The following HIP1 variants were observed in gnomAD, a reference collection of about 807,000 sequenced individuals.
The protein encoded by HIP1 is huntingtin-interacting protein 1.
In HIP1, 65 loss-of-function variants were observed where a neutral mutation model predicts 147.6. The ratio of observed to expected loss-of-function variants is 0.44; its 90% confidence interval spans 0.36 to 0.54. The LOEUF is 0.54. HIP1 is among the 20% of genes least tolerant of loss of function. HIP1 has a pLI of 0.00. For missense variants in HIP1, 1,061 were observed against 1,299.6 expected (o/e 0.82, Z 2.82); for synonymous variants, 479 against 504.0 (o/e 0.95, Z 0.67).
At position 75,596,704 on chromosome 7, in the gene HIP1, A is replaced by G. The variant is rs186206478; in HGVS notation, c.184+2480T>C. ...CCTGGCCTGAAATCTTCTTTGTCCAACCTTTGATTGAACAGAAAGTGACCT... is the reference window on the plus strand; with the variant it reads ...CCTGGCCTGAAATCTTCTTTGTCCAGCCTTTGATTGAACAGAAAGTGACCT... On this transcript the variant is annotated intron_variant, in intron 2 of 30. Transcript: ENST00000336926. Among the ~76,000 whole-genome samples, 171 of 152,176 alleles carry G rather than the reference A, an allele frequency of 1.1e-3. 1 individual carries two copies. Among genetic ancestry groups the G allele is most frequent in the African/African-American group, 3.9e-3 (161 of 41,538 alleles).
In HIP1 at chr7:75,699,831, G is replaced by A. The variant is rs199726291; in HGVS notation, c.120+38970C>T. On this transcript the variant is annotated intron_variant, in intron 1 of 30. Transcript: ENST00000336926. ...TTTGGAATGACCAACCACAAGCTGT[G>A]CAGCCACGGGAGCAGCACTGATTTT... 2.6e-5 allele frequency among the ~76,000 whole-genome samples: 4 copies of A among 151,668 alleles called. No homozygotes were observed. The East Asian group carries it at 7.8e-4, about 30-fold the overall frequency.
intron 1 of HIP1, among the ~76,000 whole-genome samples, chr7:75,648,035 C>T (rs1798859943): frequency 6.6e-6 from 1 of 152,232 alleles, no homozygotes; most frequent in African/African-American, 2.4e-5. Flanking sequence ...AAAGACAGCA[C>T]AGGCTGCTAT....
chr7:75,724,016 G>A lies in HIP1; in HGVS notation c.120+14785C>T, dbSNP rs577882490. Among the ~76,000 whole-genome samples the A allele has an allele frequency of 2.6e-5, 4 of 152,144 alleles. No individual in the cohort carries two copies. In the East Asian group the frequency reaches 7.7e-4, roughly 29 times the overall value. ...CTGTCACCCATGCTGGAGTACAGTG[G>A]TGCAATCTCAGCTCACTGCAACCTC... is the stretch of plus-strand genomic sequence containing the variant. On this transcript the variant is annotated intron_variant, in intron 1 of 30. Coordinates refer to ENST00000336926, the MANE Select transcript of HIP1 (RefSeq NM_005338.7).
chr7:75,593,178 A>G (rs782422044), intron 2 of HIP1, among the ~76,000 whole-genome samples: 10 of 152,280 alleles, frequency 6.6e-5, no homozygotes, highest in Admixed American at 4.6e-4. Context: ...TATGTTGCCC[A>G]GGCTGGTCTC....
rs559727174 is a variant in HIP1 at position 75,664,083 on chromosome 7, T to C, written c.121-64836A>G. Among the ~76,000 whole-genome samples the C allele has an allele frequency of 7.3e-4, 82 of 111,908 alleles. 11 individuals are homozygous for C. Among genetic ancestry groups the C allele is most frequent in the Admixed American group, 1.6e-3 (16 of 9,888 alleles). 73.4% of individuals were successfully genotyped at this position (111,908 alleles called of 152,430 possible). A position where few individuals can be genotyped will look rare whatever the true frequency, so the allele number is the denominator to read the frequency against. Reference sequence around the variant, plus strand: ...ACATATATGTGTATATACACACACATATACACACATATGTGCATACATACA... The same window carrying C: ...ACATATATGTGTATATACACACACACATACACACATATGTGCATACATACA... On this transcript the variant is annotated intron_variant, in intron 1 of 30. Coordinates refer to ENST00000336926, the MANE Select transcript of HIP1 (RefSeq NM_005338.7).
At chr7:75,634,382 C>T (rs4731227) in intron 1 of HIP1, among the ~76,000 whole-genome samples, 47,581 of 152,086 alleles carry the variant, frequency 0.31, 7,663 homozygotes, top group African/African-American at 0.36. Flanking sequence ...AGGCCACGAC[C>T]CCCAGCTCAT....
intron 1 of HIP1, among the ~76,000 whole-genome samples, chr7:75,646,480 T>G (rs939615883): frequency 6.6e-6 from 1 of 152,272 alleles, no homozygotes; most frequent in Non-Finnish European, 1.5e-5. Context: ...CCAGGGGGCA[T>G]GGCCAGATAT....
At chr7:75,688,534 A>G (rs887553995) in intron 1 of HIP1, among the ~76,000 whole-genome samples, 26 of 151,930 alleles carry the variant, frequency 1.7e-4, no homozygotes, top group African/African-American at 5.8e-4. Flanking sequence ...CTAAGGGGAG[A>G]TCTGCTTGGG....
intron 1 of HIP1, among the ~76,000 whole-genome samples, chr7:75,731,351 C>T (rs900070744): frequency 2.0e-5 from 3 of 151,640 alleles, no homozygotes; most frequent in Non-Finnish European, 4.4e-5. Flanking sequence ...GGCATGGTGG[C>T]GCACGCCTAT....
intron 22 of HIP1, among the ~76,000 whole-genome samples, chr7:75,552,021 C>T (rs1264713583): frequency 6.6e-6 from 1 of 152,116 alleles, no homozygotes; most frequent in Non-Finnish European, 1.5e-5. Flanking sequence ...TCCTAAGTAG[C>T]TGGGATTACA....
At chr7:75,593,587 G>A (rs990053747) in intron 2 of HIP1, among the ~76,000 whole-genome samples, 4 of 136,642 alleles carry the variant, frequency 2.9e-5, no homozygotes, top group African/African-American at 1.1e-4. Context: ...CCAGGATCAC[G>A]CCACTGCACT....
Position 75,534,856 on chromosome 7 carries a change from T to C in HIP1, c.*3316A>G, listed in dbSNP as rs1794025644. 1 of 205,884 alleles carries C rather than the reference T, an allele frequency of 4.9e-6. No homozygotes were observed. Among genetic ancestry groups the C allele is most frequent in the South Asian group, 1.9e-4 (1 of 5,294 alleles). 12.8% of individuals were successfully genotyped at this position (205,884 alleles called of 1,614,324 possible). ...CGATCCTAAGCCATGATTTTGTTGC[T>C]GTCCCATCTTGTCATGACCCATTTA... On this transcript the variant is annotated 3_prime_UTR_variant, in exon 31 of 31. Coordinates refer to ENST00000336926, the MANE Select transcript of HIP1 (RefSeq NM_005338.7).
chr7:75,730,226 G>A lies in HIP1; in HGVS notation c.120+8575C>T, dbSNP rs528654553. 1.8e-4 allele frequency among the ~76,000 whole-genome samples: 28 copies of A among 152,128 alleles called. No homozygotes were observed. The South Asian group carries it at 5.6e-3, about 30-fold the overall frequency. ...AAGTGGGGTGAGGACAACGCCTTGG[G>A]GACCCCAAGCATAAGGAGGAAGAGA... On this transcript the variant is annotated intron_variant, in intron 1 of 30. Transcript: ENST00000336926.
intron 1 of HIP1, among the ~76,000 whole-genome samples, chr7:75,636,413 G>A (rs587676650): frequency 3.3e-5 from 5 of 152,170 alleles, no homozygotes; most frequent in South Asian, 2.1e-4. Flanking sequence ...CTCACTCTGC[G>A]TAAGCAGGAG....
At chr7:75,560,728 A>G (rs932485942) in intron 13 of HIP1, among the ~76,000 whole-genome samples, 1 of 151,992 alleles carries the variant, frequency 6.6e-6, no homozygotes, top group Non-Finnish European at 1.5e-5. Context: ...ACACGGGAAG[A>G]CCTGGTTCTT....
At chr7:75,738,623 C>A (rs965733097) in intron 1 of HIP1, among the ~76,000 whole-genome samples, 178 bp downstream of exon 1, 1 of 152,158 alleles carries the variant, frequency 6.6e-6, no homozygotes, top group Admixed American at 6.5e-5. Context: ...AGCTGGGGTA[C>A]CCTGGGGTCC....
chr7:75,582,247 T>C (rs1422982516), intron 5 of HIP1, 96 bp from the exon 6 acceptor site: 3 of 924,298 alleles, frequency 3.2e-6, no homozygotes, highest in African/African-American at 1.6e-5. Flanking sequence ...CCCAGCTACT[T>C]GGGAGGCCGA....
At chr7:75,584,655 C>CTT (rs1796185696) in intron 5 of HIP1, among the ~76,000 whole-genome samples, 1 of 152,068 alleles carries the variant, frequency 6.6e-6, no homozygotes, top group African/African-American at 2.4e-5. Flanking sequence ...CTGAACTCTG[C>CTT]TGTCTTCCTA....
chr7:75,621,444 C>T (rs958326449), intron 1 of HIP1, among the ~76,000 whole-genome samples: 4 of 152,124 alleles, frequency 2.6e-5, no homozygotes, highest in Non-Finnish European at 5.9e-5. Flanking sequence ...TTGGTAAAGA[C>T]GGGGTCTTGC....
Sources: gnomAD v4.1 joint callset for allele counts (sites outside exome capture counted in the v4.1 genomes callset) on GRCh38, gnomAD v4.1.1 for gene constraint, MANE v1.5 for transcripts, NCBI Gene and HGNC (gene_info 2026-07-23, HGNC 2026-07-21) for gene names.